ZSWIM5: variants seen among roughly 807,000 people sequenced by gnomAD.
The protein encoded by ZSWIM5 is zinc finger SWIM domain-containing protein 5.
A neutral mutation model predicts 119.6 loss-of-function variants in ZSWIM5; 55 were observed. The observed-to-expected ratio is 0.46, with a 90% CI of 0.37 to 0.58. The LOEUF (loss-of-function observed/expected upper bound fraction) is 0.58, where lower values mean the gene tolerates loss of function less well. ZSWIM5 is among the 20% of genes least tolerant of loss of function. The pLI is 0.00. For synonymous variants in ZSWIM5, 537 were observed against 606.9 expected (o/e 0.88, Z 1.69); for missense variants, 1,193 against 1,512.8 (o/e 0.79, Z 3.51).
chr1:45,176,608 C>A (rs944185257), intron 1 of ZSWIM5, among the ~76,000 whole-genome samples: 1 of 152,028 alleles, frequency 6.6e-6, no homozygotes, highest in African/African-American at 2.4e-5. Flanking sequence ...AGAAATTTGG[C>A]TCCTGTTATC....
chr1:45,037,406 C>G (rs1048967154), intron 8 of ZSWIM5, among the ~76,000 whole-genome samples: 4 of 152,172 alleles, frequency 2.6e-5, no homozygotes, highest in Non-Finnish European at 5.9e-5. Flanking sequence ...CCACTGCGCC[C>G]GGCCCATCTC....
chr1:45,029,264 T>G (rs1644938151), intron 11 of ZSWIM5, among the ~76,000 whole-genome samples: 1 of 152,264 alleles, frequency 6.6e-6, no homozygotes, highest in Non-Finnish European at 1.5e-5. Flanking sequence ...TTAAGTCTTC[T>G]TCAATTTGGA....
chr1:45,088,088 C>T lies in ZSWIM5; in HGVS notation c.745G>A (p.Val249Ile). The T allele has an allele frequency of 2.5e-6, 4 of 1,614,184 alleles. No homozygotes were observed. Among genetic ancestry groups the T allele is most frequent in the South Asian group, 2.2e-5 (2 of 91,086 alleles). Reference sequence around the variant, plus strand: ...CGGATCCTGTAGAGTGAGAGTGCTACCACATGGGCACAGTAGAATATGTCC... The same window carrying T: ...CGGATCCTGTAGAGTGAGAGTGCTATCACATGGGCACAGTAGAATATGTCC... Reference protein sequence around the residue: ...NKDIFYCAHVVALSLYRIRKP... With the variant: ...NKDIFYCAHVIALSLYRIRKP... The change falls in exon 2 of 14, where the codon GTA becomes ATA. Residue 249 changes from valine to isoleucine, a missense_variant. Transcript: ENST00000359600. This position sits in a 1 kb window ranked among gnomAD's most constrained non-coding sequence, Gnocchi z 4.2.
At chr1:45,035,916 C>A in intron 9 of ZSWIM5, 93 bp from the exon 10 acceptor site, 1 of 1,578,692 alleles carries the variant, frequency 6.3e-7, no homozygotes, top group South Asian at 1.2e-5. Context: ...GTTTGCTAAT[C>A]ATGGGAACCT....
intron 1 of ZSWIM5, among the ~76,000 whole-genome samples, chr1:45,101,164 C>A (rs190435197): frequency 1.0e-3 from 154 of 151,514 alleles, no homozygotes; most frequent in African/African-American, 3.5e-3. Context: ...GGGCTAATAT[C>A]TGGAATCTAC....
At chr1:45,149,642 A>C (rs1645784117) in intron 1 of ZSWIM5, among the ~76,000 whole-genome samples, 1 of 152,228 alleles carries the variant, frequency 6.6e-6, no homozygotes, top group African/African-American at 2.4e-5. Flanking sequence ...ATATGAGTTA[A>C]ATCTTGCTTT....
At chr1:45,143,841 C>T (rs1401271370) in intron 1 of ZSWIM5, among the ~76,000 whole-genome samples, 2 of 151,708 alleles carry the variant, frequency 1.3e-5, no homozygotes, top group African/African-American at 4.8e-5. Context: ...AAACATATTT[C>T]TTTATGCTAG....
chr1:45,108,276 C>T (rs1645493965), intron 1 of ZSWIM5, among the ~76,000 whole-genome samples: 1 of 152,090 alleles, frequency 6.6e-6, no homozygotes, highest in Non-Finnish European at 1.5e-5. Flanking sequence ...GAGAAAAGGG[C>T]AACATATAAT....
intron 2 of ZSWIM5, among the ~76,000 whole-genome samples, chr1:45,068,577 T>A (rs1645200466): frequency 6.6e-6 from 1 of 152,082 alleles, no homozygotes; most frequent in East Asian, 1.9e-4. Flanking sequence ...GACATGAAGG[T>A]GTTCTCTTAT....
intron 1 of ZSWIM5, among the ~76,000 whole-genome samples, chr1:45,168,557 C>T (rs1040382974): frequency 3.4e-5 from 5 of 149,118 alleles, no homozygotes; most frequent in African/African-American, 4.9e-5. Flanking sequence ...CCCAGCTACT[C>T]GGGAGGCTGA....
rs543727889 is a variant in ZSWIM5 at position 45,169,462 on chromosome 1, C to G, written c.595+36294G>C. ...GTAACTTAATCAAGACCAACTTAAT[C>G]AAGACTAAGGAGCTAGTGACACAGT... On this transcript the variant is annotated intron_variant, in intron 1 of 13. Coordinates refer to ENST00000359600, the MANE Select transcript of ZSWIM5 (RefSeq NM_020883.2). Among the ~76,000 whole-genome samples the G allele has an allele frequency of 9.9e-5, 15 of 152,134 alleles. No homozygotes were observed. In the South Asian group the frequency reaches 2.9e-3, roughly 29 times the overall value.
intron 1 of ZSWIM5, among the ~76,000 whole-genome samples, chr1:45,117,241 G>A (rs1194905110): frequency 6.6e-6 from 1 of 152,218 alleles, no homozygotes; most frequent in East Asian, 1.9e-4. Flanking sequence ...AATGTAGCAA[G>A]AGTGTTTGTA....
rs74070855 is a variant in ZSWIM5, at chr1:45,103,558, G to A, written c.596-15321C>T. Reference sequence around the variant, plus strand: ...AGTTTAAATTTGTATACAAAACTTTGTAAAGGTAATTAGCAAGTGTAATTC... The same window carrying A: ...AGTTTAAATTTGTATACAAAACTTTATAAAGGTAATTAGCAAGTGTAATTC... On this transcript the variant is annotated intron_variant, in intron 1 of 13. Transcript: ENST00000359600. Among the ~76,000 whole-genome samples, 1,041 of 152,296 alleles carry A rather than the reference G, an allele frequency of 6.8e-3. 11 individuals carry two copies. The highest frequency in any genetic ancestry group is 0.022 in the African/African-American group (930 of 41,544).
chr1:45,188,314 CATT>C (rs1490514983), intron 1 of ZSWIM5, among the ~76,000 whole-genome samples: 1 of 152,078 alleles, frequency 6.6e-6, no homozygotes, highest in Non-Finnish European at 1.5e-5. Flanking sequence ...ACCTTTAAAA[CATT>C]ATGCTAAGTG....
At chr1:45,051,381 A>T in intron 4 of ZSWIM5, 128 bp from the exon 5 acceptor site, 1 of 1,003,958 alleles carries the variant, frequency 1.0e-6, no homozygotes, top group Non-Finnish European at 1.4e-6. Flanking sequence ...AATATAAAAA[A>T]CTTGCTAAGA....
At chr1:45,130,385 C>A (rs893526264) in intron 1 of ZSWIM5, among the ~76,000 whole-genome samples, 2 of 151,970 alleles carry the variant, frequency 1.3e-5, no homozygotes, top group African/African-American at 4.8e-5. Context: ...CACACACACA[C>A]ACACACACAA....
intron 2 of ZSWIM5, among the ~76,000 whole-genome samples, chr1:45,071,895 T>A (rs1217252258): frequency 6.6e-6 from 1 of 152,218 alleles, no homozygotes; most frequent in Non-Finnish European, 1.5e-5. Context: ...CAAACAAACA[T>A]GCAAGTGCAG....
intron 2 of ZSWIM5, among the ~76,000 whole-genome samples, chr1:45,084,786 C>T (rs772648813): frequency 2.6e-5 from 4 of 152,246 alleles, no homozygotes; most frequent in Admixed American, 6.5e-5. Flanking sequence ...TGAGCAGCTC[C>T]ACCCCCTGAG....
intron 2 of ZSWIM5, among the ~76,000 whole-genome samples, chr1:45,085,009 T>C (rs1244980455): frequency 6.6e-6 from 1 of 152,208 alleles, no homozygotes; most frequent in Non-Finnish European, 1.5e-5. Context: ...AGGTTCTCCA[T>C]GAAGGCTCTG....
Sources: gnomAD v4.1 joint callset for allele counts (sites outside exome capture counted in the v4.1 genomes callset) on GRCh38, gnomAD v4.1.1 for gene constraint, Gnocchi (gnomAD v3.1) non-coding constraint, MANE v1.5 for transcripts, NCBI Gene and HGNC (gene_info 2026-07-23, HGNC 2026-07-21) for gene names.